CRISP1: variants seen among roughly 807,000 people sequenced by gnomAD.
CRISP1 encodes cysteine-rich secretory protein 1.
In CRISP1, 44 loss-of-function variants were observed where a neutral mutation model predicts 33.1. That is an observed-to-expected ratio of 1.33 (90% CI 1.05 to 1.71). The LOEUF is 1.71. Ranked by LOEUF, CRISP1 falls within the 40% of genes most tolerant of loss-of-function variation. CRISP1 has a pLI of 0.00. For missense variants in CRISP1, 390 were observed against 301.2 expected (o/e 1.29, Z -2.18); for synonymous variants, 103 against 98.7 (o/e 1.04, Z -0.26).
chr6:49,856,820 GTTATTGTTTTTAATTATTAGTGAGA>G lies in CRISP1; in HGVS notation c.66+490_66+514del, dbSNP rs1462852943. Among the ~76,000 whole-genome samples, 33 of 152,026 alleles carry G rather than the reference GTTATTGTTTTTAATTATTAGTGAGA, an allele frequency of 2.2e-4. 1 individual carries two copies. The highest frequency in any genetic ancestry group is 7.2e-4 in the African/African-American group (30 of 41,404). On this transcript the variant is annotated intron_variant, in intron 2 of 7. Transcript: ENST00000335847. The stretch of plus-strand genomic sequence containing the variant: ...CTACTTCTGTTTTGTGACTGTTAAA[GTTATTGTTTTTAATTATTAGTGAGA>G]TTATTGTTTTTAATTATTAGTGAGA...
chr6:49,858,365 G>A (rs916696812), intron 1 of CRISP1, among the ~76,000 whole-genome samples: 1 of 152,084 alleles, frequency 6.6e-6, no homozygotes, highest in African/African-American at 2.4e-5. Flanking sequence ...TGCTGTGTGA[G>A]AAGCAAAAAA....
At chr6:49,841,941 A>G (rs1390997330) in intron 5 of CRISP1, among the ~76,000 whole-genome samples, 1 of 152,208 alleles carries the variant, frequency 6.6e-6, no homozygotes, top group Non-Finnish European at 1.5e-5. Context: ...TGTTTTCAGT[A>G]AGTGTGATTG....
At chr6:49,841,023 C>A (rs376494226) in intron 5 of CRISP1, 28 bp from the exon 6 acceptor site, 1 of 1,540,254 alleles carries the variant, frequency 6.5e-7, no homozygotes, top group Non-Finnish European at 9.0e-7. Flanking sequence ...TGTTTTATTA[C>A]AGATTAAATA....
chr6:49,847,588 A>G (rs1173581672), intron 4 of CRISP1, among the ~76,000 whole-genome samples: 3 of 152,160 alleles, frequency 2.0e-5, no homozygotes, highest in African/African-American at 7.2e-5. Context: ...TGCTTCCTGT[A>G]CAGCCCGCAG....
chr6:49,851,850 C>T (rs949100723), intron 3 of CRISP1, 151 bp downstream of exon 3: 2 of 885,902 alleles, frequency 2.3e-6, no homozygotes, highest in African/African-American at 1.7e-5. Context: ...AAGTTACTTA[C>T]CTTCTCTGGA....
Position 49,840,992 on chromosome 6 carries a change from C to T in CRISP1, c.439G>A (p.Val147Ile). 4 of 1,612,710 alleles carry T rather than the reference C, an allele frequency of 2.5e-6. No homozygotes were observed. Among genetic ancestry groups the T allele is most frequent in the Non-Finnish European group, 3.4e-6 (4 of 1,178,934 alleles). Residue 147 changes from valine (V) to isoleucine (I), a missense_variant, in exon 6 of 8, where the codon GTT becomes ATT. Val to Ile is a conservative substitution (Grantham distance 29). Transcript: ENST00000335847. ...CCAATCAGGTAAGATGTGGCCCAAA[C>T]AATCTGCAATGATAAAGAGTTGTTT... The part of the protein sequence containing the change: ...DITTDHYTQI[V>I]WATSYLIGCA...
Position 49,836,281 on chromosome 6 carries a change from G to A in CRISP1, c.623-838C>T, listed in dbSNP as rs182047151. ...ATATCTCTTATCCTTCAATTATAAA[G>A]TTTGATCATTGCATGAAATTTATAA... On this transcript the variant is annotated intron_variant, in intron 7 of 7. Coordinates refer to ENST00000335847, the MANE Select transcript of CRISP1 (RefSeq NM_001131.3). Among the ~76,000 whole-genome samples the A allele has an allele frequency of 3.5e-3, 535 of 151,570 alleles. 6 individuals carry two copies. Among genetic ancestry groups the A allele is most frequent in the African/African-American group, 0.012 (509 of 41,338 alleles).
At chr6:49,838,961 A>G (rs991805968) in intron 6 of CRISP1, among the ~76,000 whole-genome samples, 8 of 152,228 alleles carry the variant, frequency 5.3e-5, no homozygotes, top group African/African-American at 1.7e-4. Context: ...GAGGCAAGTT[A>G]GAGAGGTTCT....
intron 4 of CRISP1, among the ~76,000 whole-genome samples, chr6:49,847,939 A>G (rs1006606616): frequency 2.6e-5 from 4 of 152,136 alleles, no homozygotes; most frequent in African/African-American, 7.2e-5. Flanking sequence ...CTCTTCTGCA[A>G]TACTGAGATT....
rs1771310066 is a variant in CRISP1 at position 49,850,258 on chromosome 6, T to G, written c.195+1743A>C. 3.3e-5 allele frequency among the ~76,000 whole-genome samples: 5 copies of G among 151,774 alleles called. No homozygotes were observed. The South Asian group carries it at 1.0e-3, about 32-fold the overall frequency. On this transcript the variant is annotated intron_variant, in intron 3 of 7. Transcript: ENST00000335847. Reference sequence around the variant, plus strand: ...AACTTAAAGTATAATAATAATAAAATAAAATAAAAAAAGAAAACTTACCGG... The same window carrying G: ...AACTTAAAGTATAATAATAATAAAAGAAAATAAAAAAAGAAAACTTACCGG...
chr6:49,844,489 TCAAA>T (rs1471662754), intron 5 of CRISP1, among the ~76,000 whole-genome samples: 5 of 152,070 alleles, frequency 3.3e-5, no homozygotes, highest in African/African-American at 1.2e-4. Context: ...CTGCTTAGCT[TCAAA>T]CAGTGTTGTC....
intron 1 of CRISP1, among the ~76,000 whole-genome samples, chr6:49,872,915 T>C (rs1315537238): frequency 6.6e-6 from 1 of 152,226 alleles, no homozygotes; most frequent in African/African-American, 2.4e-5. Flanking sequence ...AACTTTAATG[T>C]AGTTTTTTCC....
chr6:49,837,580 A>G (rs140700857), intron 7 of CRISP1, among the ~76,000 whole-genome samples: 1 of 152,182 alleles, frequency 6.6e-6, no homozygotes, highest in East Asian at 1.9e-4. Flanking sequence ...GTACAAGAGA[A>G]GAGAAACGAG....
chr6:49,840,289 G>T (rs1486922501), intron 6 of CRISP1, among the ~76,000 whole-genome samples: 1 of 152,188 alleles, frequency 6.6e-6, no homozygotes, highest in African/African-American at 2.4e-5. Flanking sequence ...AGAAGGTGCA[G>T]CAGAACCTTA....
At chr6:49,843,773 A>G (rs1224195880) in intron 5 of CRISP1, among the ~76,000 whole-genome samples, 1 of 152,108 alleles carries the variant, frequency 6.6e-6, no homozygotes, top group African/African-American at 2.4e-5. Flanking sequence ...AAAAGTGTAG[A>G]TTGCCTTGAG....
At position 49,857,156 on chromosome 6, in the gene CRISP1, T is replaced by C. The variant is rs576090122; in HGVS notation, c.66+179A>G. ...TTACTCAACTTTACTATTCTTTGGT[T>C]CTCTCCTTTATAAAATGGTATTAAG... On this transcript the variant is annotated intron_variant, in intron 2 of 7. Transcript: ENST00000335847. Among the ~76,000 whole-genome samples, 19 of 152,290 alleles carry C rather than the reference T, an allele frequency of 1.2e-4. No homozygotes were observed. In the South Asian group the frequency reaches 3.7e-3, roughly 30 times the overall value.
chr6:49,860,809 G>T (rs1043671261), intron 1 of CRISP1, among the ~76,000 whole-genome samples: 1 of 151,682 alleles, frequency 6.6e-6, no homozygotes, highest in Admixed American at 6.6e-5. Flanking sequence ...AATATACAAA[G>T]GATAAAAAAA....
intron 2 of CRISP1, among the ~76,000 whole-genome samples, chr6:49,855,332 A>C (rs1161190249): frequency 6.6e-6 from 1 of 152,196 alleles, no homozygotes; most frequent in Admixed American, 6.5e-5. Context: ...TACTGTTAGA[A>C]GTCTTCAACA....
intron 5 of CRISP1, among the ~76,000 whole-genome samples, chr6:49,843,482 T>C (rs1561940594): frequency 1.3e-5 from 2 of 152,184 alleles, no homozygotes; most frequent in Non-Finnish European, 2.9e-5. Context: ...GAGAACATAG[T>C]GAAAGGAAGC....
Sources: gnomAD v4.1 joint callset for allele counts (sites outside exome capture counted in the v4.1 genomes callset) on GRCh38, gnomAD v4.1.1 for gene constraint, MANE v1.5 for transcripts, NCBI Gene and HGNC (gene_info 2026-07-23, HGNC 2026-07-21) for gene names.